CPQ: variants seen among roughly 807,000 people sequenced by gnomAD.
CPQ encodes carboxypeptidase Q, also known as Ser-Met dipeptidase.
A neutral mutation model predicts 45.7 loss-of-function variants in CPQ; 37 were observed. The observed-to-expected ratio is 0.81, with a 90% CI of 0.62 to 1.07. The LOEUF (loss-of-function observed/expected upper bound fraction) is 1.07. CPQ is among the 50% of genes least tolerant of loss of function. CPQ has a pLI of 0.00. For synonymous variants in CPQ, 186 were observed against 205.8 expected (o/e 0.90, Z 0.82); for missense variants, 537 against 572.9 (o/e 0.94, Z 0.64).
Position 96,784,906 on chromosome 8 carries a change from C to G in CPQ, c.9C>G (p.Phe3Leu). 1 of 1,595,286 alleles carries G rather than the reference C, an allele frequency of 6.3e-7. No homozygotes were observed. The change falls in exon 2 of 8, where the codon TTC (phenylalanine) becomes TTG (leucine). Residue 3 changes from phenylalanine (F) to leucine (L), a missense_variant. Transcript: ENST00000220763. The stretch of plus-strand genomic sequence containing the variant: ...ACCAACTGGAAAAAAAAATGAAATT[C>G]CTTATCTTCGCATTTTTCGGTGGTG... MK[F>L]LIFAFFGGVH...
chr8:96,788,865 T>C (rs1810810664), intron 2 of CPQ, among the ~76,000 whole-genome samples: 1 of 152,108 alleles, frequency 6.6e-6, no homozygotes, highest in Non-Finnish European at 1.5e-5. Context: ...TCTATCAATC[T>C]GTCATCAAGC....
intron 6 of CPQ, among the ~76,000 whole-genome samples, chr8:97,053,078 C>T (rs1007715534): frequency 2.0e-5 from 3 of 152,204 alleles, no homozygotes; most frequent in African/African-American, 7.2e-5. Flanking sequence ...TTATCTTCAC[C>T]ACCACCACCA....
chr8:97,008,964 T>C (rs372776224), intron 5 of CPQ, among the ~76,000 whole-genome samples: 10 of 152,370 alleles, frequency 6.6e-5, no homozygotes, highest in African/African-American at 2.4e-4. Flanking sequence ...CTTGTATTTG[T>C]GTCTGCTGCT....
intron 5 of CPQ, among the ~76,000 whole-genome samples, chr8:96,993,833 T>TA (rs1466173071): frequency 3.0e-4 from 46 of 152,284 alleles, no homozygotes; most frequent in African/African-American, 1.0e-3. Context: ...AGAAACTAGT[T>TA]ATTTCAAGCA....
chr8:97,112,849 G>A (rs1480701792), intron 7 of CPQ, among the ~76,000 whole-genome samples: 3 of 152,222 alleles, frequency 2.0e-5, no homozygotes, highest in Non-Finnish European at 4.4e-5. Flanking sequence ...TGGGGCTCTG[G>A]TTTCAGGCTT....
chr8:96,699,313 T>C (rs112075145), intron 1 of CPQ, among the ~76,000 whole-genome samples: 3,693 of 152,148 alleles, frequency 0.024, 165 homozygotes, highest in African/African-American at 0.084. Flanking sequence ...GAGAGTGGGA[T>C]GAAGGTTACC....
At chr8:96,848,048 GT>G (rs1811722628) in intron 3 of CPQ, among the ~76,000 whole-genome samples, 1 of 152,054 alleles carries the variant, frequency 6.6e-6, no homozygotes. Context: ...CATGTCATCA[GT>G]GGTTGTGAAG....
intron 1 of CPQ, among the ~76,000 whole-genome samples, chr8:96,775,569 C>A (rs189050790): frequency 1.3e-5 from 2 of 152,256 alleles, no homozygotes; most frequent in Non-Finnish European, 2.9e-5. Flanking sequence ...CTGCACAAAA[C>A]ACAGCATAGT....
intron 1 of CPQ, among the ~76,000 whole-genome samples, chr8:96,772,126 A>T (rs1411471170): frequency 2.0e-5 from 3 of 152,148 alleles, no homozygotes; most frequent in Non-Finnish European, 4.4e-5. Context: ...GTTGTAACAA[A>T]GAGAACATAT....
chr8:97,038,683 A>G (rs573883485), intron 6 of CPQ, among the ~76,000 whole-genome samples: 1 of 151,850 alleles, frequency 6.6e-6, no homozygotes, highest in Admixed American at 6.6e-5. Flanking sequence ...AGGGGTTGGC[A>G]AACTTTTTTT....
intron 4 of CPQ, among the ~76,000 whole-genome samples, chr8:96,888,568 C>T (rs1283157564): frequency 1.3e-5 from 2 of 152,124 alleles, no homozygotes; most frequent in African/African-American, 4.8e-5. Context: ...AAGGGTGTTG[C>T]TGTTTTGTTT....
chr8:96,663,917 T>A (rs1038715329), intron 1 of CPQ, among the ~76,000 whole-genome samples: 1 of 152,186 alleles, frequency 6.6e-6, no homozygotes, highest in African/African-American at 2.4e-5. Flanking sequence ...TTTAAATTAT[T>A]CTTTGGAAAA....
chr8:97,016,209 C>A (rs922455149), intron 5 of CPQ, among the ~76,000 whole-genome samples: 5 of 152,110 alleles, frequency 3.3e-5, no homozygotes, highest in Admixed American at 6.6e-5. Context: ...ACTTAGTCAA[C>A]AAGAGCTGTT....
chr8:96,808,715 G>A (rs1326883917), intron 2 of CPQ, among the ~76,000 whole-genome samples: 1 of 152,114 alleles, frequency 6.6e-6, no homozygotes, highest in Non-Finnish European at 1.5e-5. Flanking sequence ...TTCTAGGTAG[G>A]AGTCCTTTGT....
intron 1 of CPQ, among the ~76,000 whole-genome samples, chr8:96,703,372 C>T (rs113293687): frequency 0.024 from 3,636 of 152,166 alleles, 152 homozygotes; most frequent in African/African-American, 0.083. Flanking sequence ...ATCTCATGCA[C>T]AATATCTTAT....
chr8:96,783,547 G>GA (rs1333921808), intron 1 of CPQ, among the ~76,000 whole-genome samples: 3 of 152,096 alleles, frequency 2.0e-5, no homozygotes, highest in Non-Finnish European at 2.9e-5. Flanking sequence ...AATACATTTT[G>GA]AAAGTCCAAC....
intron 6 of CPQ, among the ~76,000 whole-genome samples, chr8:97,043,057 C>T (rs1188152712): frequency 3.4e-4 from 51 of 151,468 alleles, no homozygotes; most frequent in South Asian, 1.5e-3. Flanking sequence ...CTTTCTGTCT[C>T]GTTGATCTGT....
chr8:96,773,800 C>T (rs1810575241), intron 1 of CPQ, among the ~76,000 whole-genome samples: 1 of 152,110 alleles, frequency 6.6e-6, no homozygotes, highest in East Asian at 1.9e-4. Context: ...GTGGCTGCAT[C>T]CTTTGGAGGG....
chr8:96,985,646 G>A (rs1467408750), intron 5 of CPQ, among the ~76,000 whole-genome samples: 3 of 152,174 alleles, frequency 2.0e-5, no homozygotes, highest in Non-Finnish European at 4.4e-5. Flanking sequence ...TGAAAAGCAT[G>A]AATGGCATGT....
Sources: allele counts gnomAD v4.1 joint callset (sites outside exome capture counted in the v4.1 genomes callset), GRCh38; gene constraint gnomAD v4.1.1; transcripts MANE v1.5; gene names NCBI Gene and HGNC (gene_info 2026-07-23, HGNC 2026-07-21).